GPR176: variants seen among roughly 807,000 people sequenced by gnomAD.
GPR176 encodes G protein-coupled receptor 176.
GPR176 carries 26 observed loss-of-function variants against 35.4 expected under a neutral mutation model. The observed-to-expected ratio is 0.74, with a 90% confidence interval of 0.54 to 1.02. The LOEUF (loss-of-function observed/expected upper bound fraction) is 1.02. GPR176 is among the 50% of genes least tolerant of loss of function. The pLI is 0.00. For missense variants in GPR176, 597 were observed against 665.3 expected (o/e 0.90, Z 1.13); for synonymous variants, 278 against 271.3 (o/e 1.02, Z -0.24).
intron 1 of GPR176, among the ~76,000 whole-genome samples, chr15:39,845,650 C>T (rs1047893868): frequency 7.2e-5 from 11 of 151,952 alleles, no homozygotes; most frequent in Non-Finnish European, 1.2e-4. Context: ...AGGGCGAAAA[C>T]CCTGCTGCAG....
At chr15:39,870,820 G>A (rs1419242373) in intron 1 of GPR176, among the ~76,000 whole-genome samples, 1 of 152,118 alleles carries the variant, frequency 6.6e-6, no homozygotes, top group Admixed American at 6.6e-5. Flanking sequence ...ACGAACTGAG[G>A]AAGGGTTTCT....
chr15:39,833,213 C>T (rs1050232724), intron 1 of GPR176, among the ~76,000 whole-genome samples: 2 of 152,114 alleles, frequency 1.3e-5, no homozygotes, highest in Non-Finnish European at 2.9e-5. Context: ...ATGTTCATAG[C>T]AGCCCTCTTC....
intron 1 of GPR176, among the ~76,000 whole-genome samples, chr15:39,906,725 GT>G (rs1359631728): frequency 1.3e-5 from 2 of 152,222 alleles, no homozygotes; most frequent in Non-Finnish European, 1.5e-5. Context: ...GCATGGCCAT[GT>G]GTGTTTGAAT....
chr15:39,842,440 GATTATA>G (rs944708427), intron 1 of GPR176, among the ~76,000 whole-genome samples: 11 of 152,210 alleles, frequency 7.2e-5, no homozygotes, highest in African/African-American at 2.6e-4. Flanking sequence ...CCAACACTGG[GATTATA>G]ATTCCACATG....
chr15:39,883,743 G>C (rs1036137859), intron 1 of GPR176, among the ~76,000 whole-genome samples: 15 of 151,958 alleles, frequency 9.9e-5, no homozygotes, highest in African/African-American at 3.4e-4. Flanking sequence ...TAAAGGTCCT[G>C]GAACGTTCAC....
intron 1 of GPR176, among the ~76,000 whole-genome samples, chr15:39,822,666 G>A (rs1358824198): frequency 6.6e-6 from 1 of 152,156 alleles, no homozygotes; most frequent in Non-Finnish European, 1.5e-5. Context: ...ACTCTTCAAA[G>A]TAAATCTCCT....
intron 1 of GPR176, among the ~76,000 whole-genome samples, chr15:39,827,046 G>A (rs761678116): frequency 2.6e-5 from 4 of 152,116 alleles, no homozygotes; most frequent in Non-Finnish European, 5.9e-5. Flanking sequence ...AAGCCTTCAG[G>A]GTGCCATTTT....
chr15:39,832,964 C>T (rs575041660), intron 1 of GPR176, among the ~76,000 whole-genome samples: 1 of 152,254 alleles, frequency 6.6e-6, no homozygotes, highest in East Asian at 1.9e-4. Flanking sequence ...CTAGAATAAT[C>T]TCTGTATTTT....
At chr15:39,910,384 T>C (rs1395579767) in intron 1 of GPR176, among the ~76,000 whole-genome samples, 1 of 151,884 alleles carries the variant, frequency 6.6e-6, no homozygotes. Context: ...AGTCAGTAGT[T>C]TAAGACCAGC....
At chr15:39,824,732 T>C (rs920407845) in intron 1 of GPR176, among the ~76,000 whole-genome samples, 1 of 152,220 alleles carries the variant, frequency 6.6e-6, no homozygotes, top group Non-Finnish European at 1.5e-5. Flanking sequence ...ACTAGCTCCA[T>C]GCTTACTAGT....
At chr15:39,812,979 C>T (rs1471385032) in intron 1 of GPR176, among the ~76,000 whole-genome samples, 1 of 152,144 alleles carries the variant, frequency 6.6e-6, no homozygotes, top group African/African-American at 2.4e-5. Flanking sequence ...AAGTGATCTG[C>T]CTGCCTCAGC....
At chr15:39,807,674 G>A (rs1053698196) in intron 1 of GPR176, 12 of 704,290 alleles carry the variant, frequency 1.7e-5, no homozygotes, top group Non-Finnish European at 2.3e-5. Context: ...TAAATTTATG[G>A]TAGCCATGTT....
chr15:39,844,727 C>T (rs11855441), intron 1 of GPR176, among the ~76,000 whole-genome samples: 27,872 of 151,986 alleles, frequency 0.18, 2,923 homozygotes, highest in Admixed American at 0.34. Flanking sequence ...CTCAACAGTA[C>T]AAGGCTTTGA....
intron 1 of GPR176, among the ~76,000 whole-genome samples, chr15:39,835,881 G>A (rs2140780589): frequency 6.6e-6 from 1 of 152,210 alleles, no homozygotes; most frequent in East Asian, 1.9e-4. Context: ...GATCACTTGA[G>A]GCCAGGAGTT....
chr15:39,821,132 T>C (rs1414622251), intron 1 of GPR176, among the ~76,000 whole-genome samples: 3 of 152,220 alleles, frequency 2.0e-5, no homozygotes. Flanking sequence ...TACTCTAATA[T>C]TAGTTGATTT....
intron 1 of GPR176, among the ~76,000 whole-genome samples, chr15:39,837,438 T>C (rs1464930249): frequency 6.6e-6 from 1 of 152,174 alleles, no homozygotes; most frequent in Non-Finnish European, 1.5e-5. Flanking sequence ...GGAATTCCCT[T>C]GCCTCTTGTA....
intron 1 of GPR176, among the ~76,000 whole-genome samples, chr15:39,838,895 C>T (rs1901573027): frequency 6.6e-6 from 1 of 152,100 alleles, no homozygotes; most frequent in Non-Finnish European, 1.5e-5. Context: ...GTCAAATTGT[C>T]CCTGTTTGCA....
chr15:39,897,966 T>G (rs954020982), intron 1 of GPR176, among the ~76,000 whole-genome samples: 1 of 152,200 alleles, frequency 6.6e-6, no homozygotes, highest in African/African-American at 2.4e-5. Context: ...AACCAGCAAG[T>G]GACCCTATCT....
At chr15:39,844,911 T>A (rs1183622030) in intron 1 of GPR176, among the ~76,000 whole-genome samples, 1 of 152,106 alleles carries the variant, frequency 6.6e-6, no homozygotes, top group Non-Finnish European at 1.5e-5. Flanking sequence ...TGTAGGACTT[T>A]CAAGGATGAA....
Sources: gnomAD v4.1 joint callset for allele counts (sites outside exome capture counted in the v4.1 genomes callset) on GRCh38, gnomAD v4.1.1 for gene constraint, MANE v1.5 for transcripts, NCBI Gene and HGNC (gene_info 2026-07-23, HGNC 2026-07-21) for gene names.